TAFA4: variants seen among roughly 807,000 people sequenced by gnomAD.
TAFA4 encodes TAFA chemokine like family member 4.
TAFA4 carries 20 observed loss-of-function variants against 21.1 expected under a neutral mutation model. The observed-to-expected ratio is 0.95, with a 90% CI of 0.67 to 1.38. The LOEUF is 1.38. Among genes scored for constraint, TAFA4 ranks in the 40% most tolerant of loss-of-function variants. The pLI is 0.00. For missense variants in TAFA4, 211 were observed against 180.9 expected, an observed-to-expected ratio of 1.17 and a Z score of -0.95; for synonymous variants, 71 against 67.4, an observed-to-expected ratio of 1.05 and a Z score of -0.26.
chr3:68,787,466 G>C (rs1185455976), intron 3 of TAFA4, among the ~76,000 whole-genome samples: 1 of 152,182 alleles, frequency 6.6e-6, no homozygotes, highest in African/African-American at 2.4e-5. Context: ...TGTGGAGAAA[G>C]CTGTGCTAAA....
At chr3:68,780,377 G>A (rs1243238910) in intron 3 of TAFA4, among the ~76,000 whole-genome samples, 1 of 152,168 alleles carries the variant, frequency 6.6e-6, no homozygotes, top group Non-Finnish European at 1.5e-5. Context: ...AGCCAGAGGT[G>A]GAATGATATA....
intron 1 of TAFA4, among the ~76,000 whole-genome samples, chr3:68,916,973 G>C (rs1283851220): frequency 6.6e-6 from 1 of 152,196 alleles, no homozygotes; most frequent in African/African-American, 2.4e-5. Flanking sequence ...ATTCTGTACA[G>C]CTTGTGTCTT....
intron 4 of TAFA4, among the ~76,000 whole-genome samples, chr3:68,743,897 TTACTA>T (rs1350580276): frequency 2.6e-5 from 4 of 152,204 alleles, no homozygotes; most frequent in African/African-American, 9.7e-5. Flanking sequence ...ACATAGAGTT[TTACTA>T]TACTCATAGT....
intron 4 of TAFA4, among the ~76,000 whole-genome samples, chr3:68,749,272 A>G (rs182034528): frequency 2.8e-4 from 43 of 152,368 alleles, no homozygotes; most frequent in African/African-American, 9.6e-4. Flanking sequence ...ACACTAGATA[A>G]TTATCTGTGG....
At chr3:68,811,031 C>T (rs1484794857) in intron 3 of TAFA4, among the ~76,000 whole-genome samples, 2 of 152,202 alleles carry the variant, frequency 1.3e-5, no homozygotes, top group Non-Finnish European at 2.9e-5. Context: ...CACTGTTCTG[C>T]AGCCTCCGCT....
intron 1 of TAFA4, among the ~76,000 whole-genome samples, chr3:68,926,101 G>A (rs987346317): frequency 1.3e-5 from 2 of 151,764 alleles, no homozygotes; most frequent in African/African-American, 4.8e-5. Flanking sequence ...GCATGGTGGC[G>A]CACGCCTGTA....
chr3:68,798,973 T>C (rs1477438221), intron 3 of TAFA4, among the ~76,000 whole-genome samples: 1 of 152,204 alleles, frequency 6.6e-6, no homozygotes, highest in African/African-American at 2.4e-5. Context: ...ATCTGTTTTA[T>C]TGTAGTCCTG....
At position 68,783,576 on chromosome 3, in the gene TAFA4, A is replaced by G. The variant is rs576226700; in HGVS notation, c.131-30558T>C. 6.6e-5 allele frequency among the ~76,000 whole-genome samples: 10 copies of G among 152,070 alleles called. No individual in the cohort carries two copies. In the South Asian group the frequency reaches 1.0e-3, roughly 16 times the overall value. The stretch of plus-strand genomic sequence containing the variant: ...CAGTGATCCAAAAAATGATGGCTCT[A>G]TCTGTTTCAGAGTTTCCCACCTAGT... On this transcript the variant is annotated intron_variant, in intron 3 of 5. Transcript: ENST00000295569.
At chr3:68,823,611 C>A (rs964074977) in intron 3 of TAFA4, among the ~76,000 whole-genome samples, 11 of 152,126 alleles carry the variant, frequency 7.2e-5, no homozygotes, top group Admixed American at 7.2e-4. Context: ...CAAACCCCAC[C>A]CTCCAAAAGG....
At chr3:68,781,612 T>C (rs1703155539) in intron 3 of TAFA4, among the ~76,000 whole-genome samples, 1 of 152,090 alleles carries the variant, frequency 6.6e-6, no homozygotes, top group Non-Finnish European at 1.5e-5. Flanking sequence ...TAAATTAAAA[T>C]TATACTTTAA....
chr3:68,863,720 T>C (rs1422370249), intron 3 of TAFA4, among the ~76,000 whole-genome samples: 8 of 152,182 alleles, frequency 5.3e-5, no homozygotes, highest in African/African-American at 1.9e-4. Flanking sequence ...AAAATATTCT[T>C]ATCTGAAAAG....
At chr3:68,874,609 A>T (rs1236653859) in intron 3 of TAFA4, among the ~76,000 whole-genome samples, 1 of 152,112 alleles carries the variant, frequency 6.6e-6, no homozygotes, top group Non-Finnish European at 1.5e-5. Flanking sequence ...TCTCAAGGGT[A>T]AGGAGAATCT....
intron 4 of TAFA4, among the ~76,000 whole-genome samples, chr3:68,746,536 T>C (rs1267817215): frequency 6.6e-6 from 1 of 152,238 alleles, no homozygotes. Context: ...AATCCTATTA[T>C]TATTTCAAGA....
intron 3 of TAFA4, among the ~76,000 whole-genome samples, chr3:68,804,478 G>A (rs1431220510): frequency 6.6e-6 from 1 of 152,152 alleles, no homozygotes; most frequent in Non-Finnish European, 1.5e-5. Flanking sequence ...CCAAAAAAGA[G>A]CCCACACTGC....
At chr3:68,867,800 G>T (rs2089436863) in intron 3 of TAFA4, among the ~76,000 whole-genome samples, 1 of 151,936 alleles carries the variant, frequency 6.6e-6, no homozygotes, top group African/African-American at 2.4e-5. Context: ...GAAGTTTTCT[G>T]TAAGCCTCAT....
rs1403316267 is a variant in TAFA4 at position 68,885,216 on chromosome 3, A to G, written c.-28T>C. 9.3e-6 allele frequency: 15 copies of G among 1,609,280 alleles called. No individual in the cohort carries two copies. The highest frequency in any genetic ancestry group is 1.3e-5 in the Non-Finnish European group (15 of 1,177,386). On this transcript the variant is annotated 5_prime_UTR_variant, in exon 2 of 6. The change abolishes the stop of an existing upstream ORF in the 5' untranslated region. Transcript: ENST00000295569. The stretch of plus-strand genomic sequence containing the variant: ...GATGTGGTTCTAGTCAAACACACTT[A>G]TTCCAGGATATATTTCAGAGTGACT...
chr3:68,831,506 T>C (rs1704390650), intron 3 of TAFA4, among the ~76,000 whole-genome samples: 1 of 152,132 alleles, frequency 6.6e-6, no homozygotes, highest in Non-Finnish European at 1.5e-5. Context: ...TGTTGAATAT[T>C]GGCCCCCACT....
intron 3 of TAFA4, among the ~76,000 whole-genome samples, chr3:68,820,555 T>C (rs905628598): frequency 6.6e-6 from 1 of 152,102 alleles, no homozygotes; most frequent in African/African-American, 2.4e-5. Context: ...GGCATGTGCC[T>C]ATAATTCCAT....
intron 3 of TAFA4, among the ~76,000 whole-genome samples, chr3:68,863,245 C>CA (rs984656069): frequency 2.7e-5 from 4 of 150,816 alleles, no homozygotes; most frequent in Admixed American, 6.6e-5. Flanking sequence ...GACCCTGTCT[C>CA]AAAAAAAAGA....
Sources: gnomAD v4.1 joint callset for allele counts (sites outside exome capture counted in the v4.1 genomes callset) on GRCh38, gnomAD v4.1.1 for gene constraint, MANE v1.5 for transcripts, NCBI Gene and HGNC (gene_info 2026-07-23, HGNC 2026-07-21) for gene names.